TES: variants seen among roughly 807,000 people sequenced by gnomAD.
TES encodes testin.
Under a neutral mutation model 48.2 loss-of-function variants are expected in TES, and 41 were observed. That is an observed-to-expected ratio of 0.85 (90% CI 0.66 to 1.10). TES has a LOEUF of 1.10. TES is among the 50% of genes least tolerant of loss of function. The pLI is 0.00. For missense variants in TES, 463 were observed against 515.1 expected (o/e 0.90, Z 0.98); for synonymous variants, 162 against 174.9 (o/e 0.93, Z 0.58).
chr7:116,249,929 A>G (rs1799978700), intron 3 of TES: 1 of 365,654 alleles, frequency 2.7e-6, no homozygotes, highest in South Asian at 1.5e-4. Flanking sequence ...CTCAGATCTT[A>G]CAAACTGAAA....
chr7:116,254,760 G>GTT (rs1800072495), intron 6 of TES, among the ~76,000 whole-genome samples: 1 of 87,150 alleles, frequency 1.1e-5, no homozygotes, highest in Admixed American at 1.1e-4. Context: ...ATATATATAT[G>GTT]TGTGTGTGTG....
intron 1 of TES, among the ~76,000 whole-genome samples, chr7:116,214,209 T>C (rs1799468865): frequency 6.6e-6 from 1 of 152,186 alleles, no homozygotes; most frequent in East Asian, 1.9e-4. Context: ...TTACTAAAAA[T>C]CCCCTTTCTC....
At chr7:116,230,739 A>G (rs1799688175) in intron 1 of TES, among the ~76,000 whole-genome samples, 1 of 152,300 alleles carries the variant, frequency 6.6e-6, no homozygotes. Flanking sequence ...TCCGCCTGCT[A>G]CAAGGCCAGC....
intron 6 of TES, among the ~76,000 whole-genome samples, chr7:116,256,700 A>G (rs1454979270): frequency 2.6e-5 from 4 of 152,232 alleles, no homozygotes; most frequent in Non-Finnish European, 4.4e-5. Context: ...GTTCTACAAT[A>G]TTAGATTACA....
chr7:116,220,569 G>T (rs978498799), intron 1 of TES, among the ~76,000 whole-genome samples: 3 of 152,146 alleles, frequency 2.0e-5, no homozygotes, highest in African/African-American at 4.8e-5. Flanking sequence ...AAATAAAGTA[G>T]TACATGTAAA....
intron 1 of TES, among the ~76,000 whole-genome samples, chr7:116,217,447 C>A (rs1306107571): frequency 6.6e-6 from 1 of 152,026 alleles, no homozygotes; most frequent in African/African-American, 2.4e-5. Context: ...TGTTTGCAGT[C>A]ATAGCTAATT....
intron 1 of TES, among the ~76,000 whole-genome samples, chr7:116,219,245 C>T (rs2116574423): frequency 6.6e-6 from 1 of 152,280 alleles, no homozygotes; most frequent in East Asian, 1.9e-4. Flanking sequence ...CCACCCTTGA[C>T]ATTTTCAGTT....
intron 1 of TES, 65 bp from the exon 2 acceptor site, chr7:116,234,469 A>G: frequency 1.4e-6 from 2 of 1,424,428 alleles, no homozygotes; most frequent in East Asian, 2.3e-5. Flanking sequence ...TAAAAGTGCA[A>G]TTTATTGAAT....
At chr7:116,229,331 GTCAT>G (rs1184735884) in intron 1 of TES, among the ~76,000 whole-genome samples, 2 of 152,038 alleles carry the variant, frequency 1.3e-5, no homozygotes, top group African/African-American at 4.8e-5. Context: ...TCCAAGAATA[GTCAT>G]AGCCTTGGCT....
intron 1 of TES, chr7:116,217,843 G>T (rs1799511842): frequency 1.9e-6 from 1 of 516,390 alleles, no homozygotes; most frequent in Non-Finnish European, 3.9e-6. Context: ...CATTTAGCAT[G>T]GTTTTGTCAA....
intron 1 of TES, among the ~76,000 whole-genome samples, chr7:116,219,851 G>T (rs549790471): frequency 6.6e-6 from 1 of 152,246 alleles, no homozygotes; most frequent in South Asian, 2.1e-4. Context: ...CAGACTACAC[G>T]TTTCAAAGCA....
chr7:116,240,253 C>T (rs1799827323), intron 2 of TES, among the ~76,000 whole-genome samples: 1 of 152,088 alleles, frequency 6.6e-6, no homozygotes. Context: ...ATGCTGGCAG[C>T]ATGTCAAAGC....
chr7:116,243,522 A>G (rs143513022), intron 2 of TES, among the ~76,000 whole-genome samples: 2 of 152,184 alleles, frequency 1.3e-5, no homozygotes, highest in Non-Finnish European at 2.9e-5. Flanking sequence ...CCAAATTTAT[A>G]TTTCCTACCA....
chr7:116,223,647 T>C (rs964839204), intron 1 of TES, among the ~76,000 whole-genome samples: 6 of 152,190 alleles, frequency 3.9e-5, no homozygotes, highest in African/African-American at 1.2e-4. Context: ...TGAAAGATCA[T>C]TTCCTGGTTC....
intron 2 of TES, among the ~76,000 whole-genome samples, chr7:116,237,641 C>T (rs1799789594): frequency 1.3e-5 from 2 of 152,162 alleles, no homozygotes; most frequent in African/African-American, 4.8e-5. Context: ...CTTCCCTGCC[C>T]ATGTATGTCT....
chr7:116,230,417 A>G (rs959944051), intron 1 of TES, among the ~76,000 whole-genome samples: 1 of 152,246 alleles, frequency 6.6e-6, no homozygotes, highest in African/African-American at 2.4e-5. Context: ...CCCAAGGGCA[A>G]AAGAACCCTG....
chr7:116,216,271 A>G (rs894709111), intron 1 of TES, among the ~76,000 whole-genome samples: 1 of 152,148 alleles, frequency 6.6e-6, no homozygotes, highest in African/African-American at 2.4e-5. Context: ...AAATTAGGAA[A>G]GGTCAGTAAG....
chr7:116,244,140 C>G (rs1057272843), intron 2 of TES, among the ~76,000 whole-genome samples: 1 of 152,148 alleles, frequency 6.6e-6, no homozygotes, highest in Non-Finnish European at 1.5e-5. Flanking sequence ...CATTCTGCCC[C>G]AGCCCCTCCC....
chr7:116,255,800 G>T (rs574629170), intron 6 of TES, among the ~76,000 whole-genome samples: 5 of 152,224 alleles, frequency 3.3e-5, no homozygotes, highest in African/African-American at 1.2e-4. Context: ...TAAGGAGAGG[G>T]ATATCCTAAT....
Sources: gnomAD v4.1 joint callset for allele counts (sites outside exome capture counted in the v4.1 genomes callset) on GRCh38, gnomAD v4.1.1 for gene constraint, MANE v1.5 for transcripts, NCBI Gene and HGNC (gene_info 2026-07-23, HGNC 2026-07-21) for gene names.